MYEF2: variants seen among roughly 807,000 people sequenced by gnomAD.
MYEF2 encodes the protein myelin gene expression factor 2.
MYEF2 carries 37 observed loss-of-function variants against 75.2 expected under a neutral mutation model. The observed-to-expected ratio is 0.49, with a 90% confidence interval of 0.38 to 0.65. MYEF2 has a LOEUF of 0.65. Among genes scored for constraint, MYEF2 ranks in the 30% least tolerant of loss-of-function variants. The probability of loss-of-function intolerance (pLI) is 0.00; values close to 1 mark genes in which losing one functional copy is unlikely to be tolerated. For synonymous variants in MYEF2, 195 were observed against 241.6 expected, an observed-to-expected ratio of 0.81 and a Z score of 1.79; for missense variants, 634 against 771.4, an observed-to-expected ratio of 0.82 and a Z score of 2.11.
intron 1 of MYEF2, among the ~76,000 whole-genome samples, chr15:48,172,819 A>C (rs765829176): frequency 2.0e-5 from 3 of 152,188 alleles, no homozygotes; most frequent in African/African-American, 7.2e-5. Context: ...CTGAATCATG[A>C]AAAATTAGAA....
rs765152715 is a variant in MYEF2 at position 48,149,419 on chromosome 15, G to A, written c.1379-48C>T. 7 of 1,576,184 alleles carry A rather than the reference G, an allele frequency of 4.4e-6. No homozygotes were observed. The highest frequency in any genetic ancestry group is 5.2e-6 in the Non-Finnish European group (6 of 1,149,504). On this transcript the variant is annotated intron_variant, in intron 14 of 16. Transcript: ENST00000324324. This position sits in a 1 kb window ranked among gnomAD's most constrained non-coding sequence, Gnocchi z 4.0. ...GGGGATTTGGGAATTTTGTGTTTTT[G>A]TTTCAAAAACATAAGGAAAAGGAGA...
Position 48,149,435 on chromosome 15 carries a change from G to A in MYEF2, c.1379-64C>T. 4 of 1,472,434 alleles carry A rather than the reference G, an allele frequency of 2.7e-6. No individual in the cohort carries two copies. The highest frequency in any genetic ancestry group is 3.8e-6 in the Non-Finnish European group (4 of 1,057,470). 91.2% of individuals were successfully genotyped at this position (1,472,434 alleles called of 1,614,324 possible). On this transcript the variant is annotated intron_variant, in intron 14 of 16. Transcript: ENST00000324324. This position sits in a 1 kb window ranked among gnomAD's most constrained non-coding sequence, Gnocchi z 4.0. The stretch of plus-strand genomic sequence containing the variant: ...TGTGTTTTTGTTTCAAAAACATAAG[G>A]AAAAGGAGAAGAGGAGAAAGGAGGA...
chr15:48,153,964 A>G (rs899418801), intron 9 of MYEF2, 71 bp from the exon 10 acceptor site: 3 of 1,275,642 alleles, frequency 2.4e-6, no homozygotes, highest in African/African-American at 1.5e-5. Flanking sequence ...AAAATTTTTT[A>G]AAAAGCTATA....
chr15:48,159,409 T>C (rs1189704213), intron 6 of MYEF2, among the ~76,000 whole-genome samples: 1 of 152,140 alleles, frequency 6.6e-6, no homozygotes, highest in Non-Finnish European at 1.5e-5. Flanking sequence ...ATCCAAATAG[T>C]TGTATTTAAA....
rs753165566 is a variant in MYEF2, at chr15:48,136,715, G to C, written c.*6193C>G. 1.2e-6 allele frequency: 2 copies of C among 1,612,802 alleles called. No homozygotes were observed. Among genetic ancestry groups the C allele is most frequent in the Admixed American group, 1.7e-5 (1 of 59,902 alleles). On this transcript the variant is annotated 3_prime_UTR_variant, in exon 17 of 17. Coordinates refer to ENST00000324324, the MANE Select transcript of MYEF2 (RefSeq NM_016132.5). ...GGGGCTTTACTGCTTTTGATATATGGATTGTATGTTTTGGTGCTGTGTTTT... is the reference window on the plus strand; with the variant it reads ...GGGGCTTTACTGCTTTTGATATATGCATTGTATGTTTTGGTGCTGTGTTTT...
intron 14 of MYEF2, chr15:48,150,118 T>C (rs757895639): frequency 1.3e-5 from 2 of 152,074 alleles, no homozygotes; most frequent in Non-Finnish European, 2.9e-5. Flanking sequence ...ATCTTACTCA[T>C]TATCAAACCT....
chr15:48,158,671 A>C, intron 7 of MYEF2, 98 bp downstream of exon 7: 1 of 1,425,290 alleles, frequency 7.0e-7, no homozygotes, highest in Non-Finnish European at 9.7e-7. Flanking sequence ...CACATCTCTA[A>C]GCCAGGCAAC....
Position 48,138,858 on chromosome 15 carries a change from C to A in MYEF2, c.*4050G>T. 1.3e-6 allele frequency: 1 copy of A among 790,398 alleles called. No homozygotes were observed. The highest frequency in any genetic ancestry group is 2.0e-6 in the Non-Finnish European group (1 of 495,456). The allele number at this position is 790,398 out of a possible 1,614,324, so 49.0% of individuals were successfully genotyped here. A position where few individuals can be genotyped will look rare whatever the true frequency, so the allele number is the denominator to read the frequency against. ...GAGGTACTCAAATGTTTTAAACAGC[C>A]TTTTAAAAACTGATACAGCTAATTT... On this transcript the variant is annotated 3_prime_UTR_variant, in exon 17 of 17. Coordinates refer to ENST00000324324, the MANE Select transcript of MYEF2 (RefSeq NM_016132.5).
chr15:48,170,636 C>A (rs1350574551), intron 1 of MYEF2, among the ~76,000 whole-genome samples: 1 of 152,104 alleles, frequency 6.6e-6, no homozygotes, highest in Non-Finnish European at 1.5e-5. Context: ...CTAAGCCCAG[C>A]AATTCTGGTG....
intron 6 of MYEF2, 66 bp downstream of exon 6, chr15:48,159,547 C>T: frequency 1.4e-6 from 2 of 1,382,402 alleles, no homozygotes; most frequent in Non-Finnish European, 2.0e-6. Context: ...AAACCTATAA[C>T]TCATTCATTT....
At chr15:48,165,756 T>A (rs1329616203) in intron 5 of MYEF2, among the ~76,000 whole-genome samples, 177 bp downstream of exon 5, 2 of 151,924 alleles carry the variant, frequency 1.3e-5, no homozygotes, top group Non-Finnish European at 2.9e-5. Context: ...GGATAACTGC[T>A]TAACAGCAAA....
intron 10 of MYEF2, 139 bp from the exon 11 acceptor site, chr15:48,152,423 A>G: frequency 1.4e-6 from 1 of 702,678 alleles, no homozygotes; most frequent in South Asian, 2.0e-5. Flanking sequence ...TACAGGAGGC[A>G]TGGTTTAAAG....
intron 16 of MYEF2, among the ~76,000 whole-genome samples, chr15:48,145,644 G>A (rs757132732): frequency 6.6e-6 from 1 of 151,766 alleles, no homozygotes; most frequent in Non-Finnish European, 1.5e-5. Flanking sequence ...TATATTTTGG[G>A]ATATGCCAGT....
chr15:48,159,522 A>G, intron 6 of MYEF2, 91 bp downstream of exon 6: 1 of 1,214,088 alleles, frequency 8.2e-7, no homozygotes, highest in Non-Finnish European at 1.2e-6. Context: ...GTTAAAAATA[A>G]GCAAAATGTT....
intron 1 of MYEF2, among the ~76,000 whole-genome samples, chr15:48,173,970 T>C (rs2040425317): frequency 6.6e-6 from 1 of 152,096 alleles, no homozygotes; most frequent in Admixed American, 6.5e-5. Context: ...TCTAACAGCA[T>C]TTTTCACAGA....
At chr15:48,156,614 C>A (rs1322029313) in intron 9 of MYEF2, among the ~76,000 whole-genome samples, 1 of 151,320 alleles carries the variant, frequency 6.6e-6, no homozygotes, top group Non-Finnish European at 1.5e-5. Flanking sequence ...ATAAAGAGAA[C>A]ATATAATTCT....
intron 5 of MYEF2, among the ~76,000 whole-genome samples, chr15:48,160,774 T>G (rs927927793): frequency 6.6e-6 from 1 of 152,044 alleles, no homozygotes; most frequent in Admixed American, 6.6e-5. Context: ...TTTTAATAAA[T>G]TCTCTAGGAT....
rs865798876 is a variant in MYEF2 at position 48,159,507 on chromosome 15, C to T, written c.717+106G>A. ...TTTACAATAATTACTATTTCACTTA[C>T]TTTAGTTAAAAATAAGCAAAATGTT... On this transcript the variant is annotated intron_variant, in intron 6 of 16. Transcript: ENST00000324324. 1.2e-4 allele frequency: 119 copies of T among 952,384 alleles called. 2 individuals are homozygous for T. In the South Asian group the frequency reaches 1.8e-3, roughly 15 times the overall value. The allele number at this position is 952,384 out of a possible 1,614,324, so 59.0% of individuals were successfully genotyped here. A position where few individuals can be genotyped will look rare whatever the true frequency, so the allele number is the denominator to read the frequency against.
In MYEF2 at chr15:48,135,621, T is replaced by C. The variant is rs2038876042; in HGVS notation, c.*7287A>G. 1 of 152,110 alleles carries C rather than the reference T, an allele frequency of 6.6e-6. No homozygotes were observed. The highest frequency in any genetic ancestry group is 1.5e-5 in the Non-Finnish European group (1 of 68,088). The allele number at this position is 152,110 out of a possible 1,614,324, so 9.4% of individuals were successfully genotyped here. ...GGCACCTACTAGGTCCTTCTCACTA[T>C]GCTAGATATCATAAGGGATAATGAA... On this transcript the variant is annotated 3_prime_UTR_variant, in exon 17 of 17. Coordinates refer to ENST00000324324, the MANE Select transcript of MYEF2 (RefSeq NM_016132.5).
Sources: gnomAD v4.1 joint callset for allele counts (sites outside exome capture counted in the v4.1 genomes callset) on GRCh38, gnomAD v4.1.1 for gene constraint, Gnocchi (gnomAD v3.1) non-coding constraint, MANE v1.5 for transcripts, NCBI Gene and HGNC (gene_info 2026-07-23, HGNC 2026-07-21) for gene names.